Variants in CDC42BPA observed in about 807,000 individuals in gnomAD.
CDC42BPA encodes the protein CDC42 binding protein kinase alpha.
In CDC42BPA, 80 loss-of-function variants were observed where a neutral mutation model predicts 223.5. That is an observed-to-expected ratio of 0.36 (90% confidence interval 0.30 to 0.43). CDC42BPA has a LOEUF of 0.43. Among genes scored for constraint, CDC42BPA ranks in the 20% least tolerant of loss-of-function variants. The pLI, the probability that CDC42BPA is intolerant of heterozygous loss-of-function variation, is 1.00. For missense variants in CDC42BPA, 1,743 were observed against 2,099.9 expected (o/e 0.83, Z 3.32); for synonymous variants, 694 against 718.6 (o/e 0.97, Z 0.55).
rs1478562720 is a variant in CDC42BPA at position 227,126,499 on chromosome 1, GGAAGGAAGGAAGGAAGGAAGGTAA to G, written c.1513+2586_1513+2609del. On this transcript the variant is annotated intron_variant, in intron 11 of 36. Transcript: ENST00000366766. Reference sequence around the variant, plus strand: ...AGGAAGGAAGGAAGGAAGGAAGGAAGGAAGGAAGGAAGGAAGGAAGGTAAGAAAGGAAAAAGAAGAAAAAAAAGG... The same window carrying G: ...AGGAAGGAAGGAAGGAAGGAAGGAAGGAAAGGAAAAAGAAGAAAAAAAAGG... Among the ~76,000 whole-genome samples, 67 of 119,878 alleles carry G rather than the reference GGAAGGAAGGAAGGAAGGAAGGTAA, an allele frequency of 5.6e-4. 1 individual carries two copies. Among genetic ancestry groups the G allele is most frequent in the African/African-American group, 2.0e-3 (63 of 31,794 alleles). 78.6% of individuals were successfully genotyped at this position (119,878 alleles called of 152,430 possible). A position where few individuals can be genotyped will look rare whatever the true frequency, so the allele number is the denominator to read the frequency against.
chr1:227,092,786 A>G (rs960039547), intron 15 of CDC42BPA, among the ~76,000 whole-genome samples: 1 of 152,282 alleles, frequency 6.6e-6, no homozygotes, highest in South Asian at 2.1e-4. Context: ...CAGATTCCCC[A>G]ATTGTAAATA....
intron 16 of CDC42BPA, among the ~76,000 whole-genome samples, chr1:227,085,925 C>T (rs1223207830): frequency 6.6e-6 from 1 of 152,160 alleles, no homozygotes; most frequent in Non-Finnish European, 1.5e-5. Context: ...ACAGTGATTG[C>T]TACAATCCAG....
At chr1:227,291,805 C>T (rs1353108673) in intron 1 of CDC42BPA, among the ~76,000 whole-genome samples, 1 of 152,096 alleles carries the variant, frequency 6.6e-6, no homozygotes, top group Middle Eastern at 3.2e-3. Flanking sequence ...CCTCTTATTA[C>T]TGTACTATCA....
chr1:227,037,561 A>G (rs1299460183), intron 24 of CDC42BPA, among the ~76,000 whole-genome samples: 1 of 152,200 alleles, frequency 6.6e-6, no homozygotes, highest in Non-Finnish European at 1.5e-5. Flanking sequence ...CCTCTTACTC[A>G]AAGTACTCAG....
At chr1:227,159,991 G>A (rs1190712620) in intron 6 of CDC42BPA, among the ~76,000 whole-genome samples, 1 of 152,036 alleles carries the variant, frequency 6.6e-6, no homozygotes, top group African/African-American at 2.4e-5. Context: ...CTACAGGCAC[G>A]CACCACCATG....
chr1:227,248,221 C>G (rs1572622067), intron 2 of CDC42BPA, among the ~76,000 whole-genome samples: 1 of 152,138 alleles, frequency 6.6e-6, no homozygotes, highest in East Asian at 1.9e-4. Flanking sequence ...TATCAATATT[C>G]AAGTACAGCA....
intron 10 of CDC42BPA, among the ~76,000 whole-genome samples, chr1:227,130,109 G>C (rs760316947): frequency 6.6e-6 from 1 of 152,058 alleles, no homozygotes; most frequent in Non-Finnish European, 1.5e-5. Context: ...ATCATCAAAA[G>C]ACATGGAACA....
At position 226,994,240 on chromosome 1, in the gene CDC42BPA, G is replaced by C; in HGVS notation, c.*28C>G. 6.4e-7 allele frequency: 1 copy of C among 1,553,078 alleles called. No homozygotes were observed. The highest frequency in any genetic ancestry group is 8.7e-7 in the Non-Finnish European group (1 of 1,147,026). On this transcript the variant is annotated 3_prime_UTR_variant, in exon 37 of 37. Transcript: ENST00000366766. This position sits in a 1 kb window ranked among gnomAD's most constrained non-coding sequence, Gnocchi z 4.0. Reference sequence around the variant, plus strand: ...GAGGAGGCGAGTGGCAGGGAGCGGAGAGCGAGAGGTCCCAGTGCTGAGGCA... The same window carrying C: ...GAGGAGGCGAGTGGCAGGGAGCGGACAGCGAGAGGTCCCAGTGCTGAGGCA...
chr1:227,227,071 T>G (rs1368832781), intron 2 of CDC42BPA, among the ~76,000 whole-genome samples: 3 of 152,060 alleles, frequency 2.0e-5, no homozygotes, highest in African/African-American at 4.8e-5. Context: ...AAGACACAAT[T>G]GCATAACTAA....
intron 1 of CDC42BPA, among the ~76,000 whole-genome samples, chr1:227,254,901 A>C (rs543579179): frequency 2.6e-4 from 39 of 152,314 alleles, no homozygotes; most frequent in African/African-American, 9.1e-4. Context: ...TAGATATTCC[A>C]GGCAAGAGGG....
chr1:227,009,494 G>A (rs1011225146), intron 34 of CDC42BPA, among the ~76,000 whole-genome samples: 1 of 151,994 alleles, frequency 6.6e-6, no homozygotes, highest in Non-Finnish European at 1.5e-5. Flanking sequence ...CTGCAACTTC[G>A]ACCTCCCAGG....
intron 1 of CDC42BPA, among the ~76,000 whole-genome samples, chr1:227,297,930 ATT>A (rs1690924747): frequency 1.4e-5 from 2 of 138,806 alleles, no homozygotes; most frequent in Non-Finnish European, 3.1e-5. Context: ...AAAATGGCAA[ATT>A]TTGTTTTATG....
intron 12 of CDC42BPA, 113 bp downstream of exon 12, chr1:227,119,691 G>T: frequency 1.4e-6 from 1 of 690,192 alleles, no homozygotes; most frequent in South Asian, 5.0e-5. Flanking sequence ...CAACTTTTAA[G>T]AAGATAAAAT....
At chr1:227,296,460 C>T (rs990013722) in intron 1 of CDC42BPA, among the ~76,000 whole-genome samples, 2 of 152,066 alleles carry the variant, frequency 1.3e-5, no homozygotes, top group Non-Finnish European at 2.9e-5. Flanking sequence ...AATCCCAGCA[C>T]TTTGGGAGGC....
chr1:227,278,617 A>C (rs2148545985), intron 1 of CDC42BPA, among the ~76,000 whole-genome samples: 1 of 152,342 alleles, frequency 6.6e-6, no homozygotes, highest in South Asian at 2.1e-4. Flanking sequence ...AATTAGTATT[A>C]AACTTTACTG....
intron 30 of CDC42BPA, 38 bp from the exon 31 acceptor site, chr1:227,026,190 T>G: frequency 1.8e-6 from 2 of 1,135,336 alleles, no homozygotes; most frequent in East Asian, 4.8e-5. Flanking sequence ...GCGGATTACT[T>G]TTAACTATTA....
At chr1:227,201,277 C>G (rs913280030) in intron 3 of CDC42BPA, among the ~76,000 whole-genome samples, 1 of 151,944 alleles carries the variant, frequency 6.6e-6, no homozygotes, top group Non-Finnish European at 1.5e-5. Context: ...TCTCGAGTAG[C>G]TGGGACTACA....
At chr1:227,184,010 T>G (rs1165536244) in intron 5 of CDC42BPA, among the ~76,000 whole-genome samples, 1 of 152,276 alleles carries the variant, frequency 6.6e-6, no homozygotes, top group African/African-American at 2.4e-5. Context: ...TTGGGTGAAA[T>G]GTCTATTGTC....
chr1:227,147,016 CTTA>C (rs760823502), intron 7 of CDC42BPA, among the ~76,000 whole-genome samples: 5 of 152,054 alleles, frequency 3.3e-5, no homozygotes, highest in Non-Finnish European at 7.4e-5. Flanking sequence ...TTGTATTGCA[CTTA>C]TTACCACTAA....
Sources: gnomAD v4.1 joint callset for allele counts (sites outside exome capture counted in the v4.1 genomes callset) on GRCh38, gnomAD v4.1.1 for gene constraint, Gnocchi (gnomAD v3.1) non-coding constraint, MANE v1.5 for transcripts, NCBI Gene and HGNC (gene_info 2026-07-23, HGNC 2026-07-21) for gene names.